Variants in TMEM192 observed in about 807,000 individuals in gnomAD.
TMEM192 encodes transmembrane protein 192.
A neutral mutation model predicts 26.7 loss-of-function variants in TMEM192; 20 were observed. That is an observed-to-expected ratio of 0.75 (90% confidence interval 0.53 to 1.09). TMEM192 has a LOEUF of 1.09. Ranked by LOEUF, TMEM192 falls within the 50% of genes least tolerant of loss-of-function variation. The probability of loss-of-function intolerance (pLI) is 0.00; values close to 1 mark genes in which losing one functional copy is unlikely to be tolerated. For missense variants in TMEM192, 304 were observed against 322.6 expected, an observed-to-expected ratio of 0.94 and a Z score of 0.44; for synonymous variants, 124 against 121.0, an observed-to-expected ratio of 1.02 and a Z score of -0.16.
At chr4:165,093,211 C>T (rs561028902) in intron 3 of TMEM192, among the ~76,000 whole-genome samples, 8 of 151,132 alleles carry the variant, frequency 5.3e-5, no homozygotes, top group African/African-American at 1.7e-4. Context: ...ATTCTCCTGC[C>T]GCGGCCTCCT....
At position 165,071,213 on chromosome 4, in the gene TMEM192, T is replaced by C. The variant is rs1734267434; in HGVS notation, c.*8445A>G. Reference sequence around the variant, plus strand: ...AAATAGAATAATTATAGCAATATACTATAATAAAAGTTACGTGTGGTGGTG... The same window carrying C: ...AAATAGAATAATTATAGCAATATACCATAATAAAAGTTACGTGTGGTGGTG... On this transcript the variant is annotated 3_prime_UTR_variant, in exon 6 of 6. Transcript: ENST00000306480. 1 of 151,928 alleles carries C rather than the reference T, an allele frequency of 6.6e-6. No individual in the cohort carries two copies. The highest frequency in any genetic ancestry group is 2.1e-4 in the South Asian group (1 of 4,824). 9.4% of individuals were successfully genotyped at this position (151,928 alleles called of 1,614,324 possible).
At chr4:165,105,991 C>T (rs533857285) in intron 1 of TMEM192, among the ~76,000 whole-genome samples, 5 of 152,280 alleles carry the variant, frequency 3.3e-5, no homozygotes, top group South Asian at 2.1e-4. Flanking sequence ...AGCAAGAAGG[C>T]GCCATCTTTG....
At chr4:165,091,671 G>A (rs1267448044) in intron 3 of TMEM192, among the ~76,000 whole-genome samples, 2 of 149,160 alleles carry the variant, frequency 1.3e-5, no homozygotes, top group Admixed American at 6.7e-5. Flanking sequence ...TAAATTTTGG[G>A]GAAAATGGAA....
At position 165,073,806 on chromosome 4, in the gene TMEM192, A is replaced by G. The variant is rs1734317217; in HGVS notation, c.*5852T>C. 6.6e-6 allele frequency: 1 copy of G among 152,348 alleles called. No individual in the cohort carries two copies. The highest frequency in any genetic ancestry group is 6.5e-5 in the Admixed American group (1 of 15,296). 9.4% of individuals were successfully genotyped at this position (152,348 alleles called of 1,614,324 possible). The stretch of plus-strand genomic sequence containing the variant: ...AAAGAGAAACGTAAATCTAGCCTAC[A>G]TGCACATCCGGACACAGTACCTTTC... On this transcript the variant is annotated 3_prime_UTR_variant, in exon 6 of 6. Coordinates refer to ENST00000306480, the MANE Select transcript of TMEM192 (RefSeq NM_001100389.2).
rs35079183 is a variant in TMEM192, at chr4:165,081,235, C to CTT, written c.678-1441_678-1440dup. 1.7e-3 allele frequency among the ~76,000 whole-genome samples: 244 copies of CTT among 144,950 alleles called. 1 individual carries two copies. The highest frequency in any genetic ancestry group is 5.4e-3 in the East Asian group (27 of 4,960). On this transcript the variant is annotated intron_variant, in intron 5 of 5. Coordinates refer to ENST00000306480, the MANE Select transcript of TMEM192 (RefSeq NM_001100389.2). ...ATAAACCACCTAGGAACCTCCCACT[C>CTT]TTTTTTTTTTTTTCTGAGCTGGGCT...
At position 165,074,841 on chromosome 4, in the gene TMEM192, AGT is replaced by A. The variant is rs1734339818; in HGVS notation, c.*4815_*4816del. On this transcript the variant is annotated 3_prime_UTR_variant, in exon 6 of 6. Transcript: ENST00000306480. Reference sequence around the variant, plus strand: ...TGATCTGCCTGCCTTGGCCTCCCAAAGTGCTGGGATTACAGGCGGGAGCCACC... The same window carrying A: ...TGATCTGCCTGCCTTGGCCTCCCAAAGCTGGGATTACAGGCGGGAGCCACC... 2 of 152,142 alleles carry A rather than the reference AGT, an allele frequency of 1.3e-5. No homozygotes were observed. The allele number at this position is 152,142 out of a possible 1,614,324, so 9.4% of individuals were successfully genotyped here. A position where few individuals can be genotyped will look rare whatever the true frequency, so the allele number is the denominator to read the frequency against.
intron 3 of TMEM192, among the ~76,000 whole-genome samples, chr4:165,088,866 C>T (rs1734686165): frequency 6.6e-6 from 1 of 151,064 alleles, no homozygotes; most frequent in Non-Finnish European, 1.5e-5. Context: ...TAGCAAGACC[C>T]CATCTCTATA....
chr4:165,100,908 G>A lies in TMEM192; in HGVS notation c.175-16C>T, dbSNP rs1032975523. On this transcript the variant is annotated splice_polypyrimidine_tract_variant and intron_variant, in intron 2 of 5. Coordinates refer to ENST00000306480, the MANE Select transcript of TMEM192 (RefSeq NM_001100389.2). ...CAAACACGAGCTGGGGGAAAGGAGA[G>A]CAGAAAGATTAATATTCAATATTTG... is the stretch of plus-strand genomic sequence containing the variant. The A allele has an allele frequency of 1.9e-6, 3 of 1,593,416 alleles. No individual in the cohort carries two copies. Among genetic ancestry groups the A allele is most frequent in the Admixed American group, 1.8e-5 (1 of 56,854 alleles).
intron 3 of TMEM192, among the ~76,000 whole-genome samples, chr4:165,093,452 G>A (rs921023947): frequency 3.9e-5 from 6 of 152,176 alleles, no homozygotes; most frequent in African/African-American, 1.4e-4. Context: ...AACTTCTGCA[G>A]AGAAATGAAA....
chr4:165,094,488 T>A (rs1379398365), intron 3 of TMEM192, among the ~76,000 whole-genome samples: 1 of 151,948 alleles, frequency 6.6e-6, no homozygotes, highest in Admixed American at 6.6e-5. Flanking sequence ...AGAAACCCCA[T>A]CTCTACTAAA....
At chr4:165,094,164 G>T (rs993387958) in intron 3 of TMEM192, among the ~76,000 whole-genome samples, 20 of 152,074 alleles carry the variant, frequency 1.3e-4, no homozygotes, top group African/African-American at 4.1e-4. Context: ...GCCTCCCAAA[G>T]TGCTGGGATT....
chr4:165,107,213 C>T (rs1309408931), intron 1 of TMEM192, among the ~76,000 whole-genome samples: 3 of 151,878 alleles, frequency 2.0e-5, no homozygotes, highest in Non-Finnish European at 4.4e-5. Flanking sequence ...TTAATAGAGA[C>T]GGGGTTTCAC....
intron 2 of TMEM192, among the ~76,000 whole-genome samples, chr4:165,101,338 A>G (rs981072135): frequency 5.9e-5 from 9 of 151,968 alleles, no homozygotes; most frequent in Middle Eastern, 3.4e-3. Flanking sequence ...GAGTTTTTAA[A>G]TGTATTTTCG....
intron 3 of TMEM192, among the ~76,000 whole-genome samples, chr4:165,100,171 T>G (rs1735005510): frequency 6.6e-6 from 1 of 150,894 alleles, no homozygotes; most frequent in Non-Finnish European, 1.5e-5. Flanking sequence ...TCTTTTTTTT[T>G]TTTTTTTGAG....
intron 1 of TMEM192, among the ~76,000 whole-genome samples, chr4:165,112,080 T>G (rs903022910): frequency 1.3e-5 from 2 of 152,226 alleles, no homozygotes; most frequent in African/African-American, 2.4e-5. Context: ...TGGTTTTTTG[T>G]TTTTTTGTTT....
intron 1 of TMEM192, 119 bp downstream of exon 1, chr4:165,112,628 C>T: frequency 6.8e-7 from 1 of 1,461,742 alleles, no homozygotes; most frequent in Non-Finnish European, 9.2e-7. Flanking sequence ...GCGGCGCCCC[C>T]TTCGGCCGCG....
chr4:165,100,466 CTTTAA>C (rs1735012768), intron 3 of TMEM192, among the ~76,000 whole-genome samples, 157 bp downstream of exon 3: 1 of 152,132 alleles, frequency 6.6e-6, no homozygotes, highest in East Asian at 1.9e-4. Context: ...CCAAGAAAAG[CTTTAA>C]GACATTAAGG....
At position 165,073,708 on chromosome 4, in the gene TMEM192, C is replaced by G. The variant is rs915852378; in HGVS notation, c.*5950G>C. 19 of 152,116 alleles carry G rather than the reference C, an allele frequency of 1.2e-4. No homozygotes were observed. Among genetic ancestry groups the G allele is most frequent in the African/African-American group, 4.4e-4 (18 of 41,372 alleles). The allele number at this position is 152,116 out of a possible 1,614,324, so 9.4% of individuals were successfully genotyped here. A position where few individuals can be genotyped will look rare whatever the true frequency, so the allele number is the denominator to read the frequency against. ...CTATTCTGAGATAGGAGAAAACTGC[C>G]CTGTGGCTGGAGGCGAGATATGCTG... On this transcript the variant is annotated 3_prime_UTR_variant, in exon 6 of 6. Transcript: ENST00000306480.
chr4:165,103,815 C>G (rs890123404), intron 1 of TMEM192, among the ~76,000 whole-genome samples: 1 of 152,192 alleles, frequency 6.6e-6, no homozygotes, highest in Non-Finnish European at 1.5e-5. Flanking sequence ...AGCCACCGTG[C>G]CCGGCACACA....
Sources: gnomAD v4.1 joint callset for allele counts (sites outside exome capture counted in the v4.1 genomes callset) on GRCh38, gnomAD v4.1.1 for gene constraint, MANE v1.5 for transcripts, NCBI Gene and HGNC (gene_info 2026-07-23, HGNC 2026-07-21) for gene names.